ITPR1: variants seen among roughly 807,000 people sequenced by gnomAD.
The protein encoded by ITPR1 is inositol 1,4,5-trisphosphate receptor type 1.
A neutral mutation model predicts 318.4 loss-of-function variants in ITPR1; 96 were observed. That is an observed-to-expected ratio of 0.30 (90% CI 0.26 to 0.36). The LOEUF (loss-of-function observed/expected upper bound fraction) is 0.36. Among genes scored for constraint, ITPR1 ranks in the 10% least tolerant of loss-of-function variants. ITPR1 has a pLI of 1.00. For synonymous variants in ITPR1, 1,312 were observed against 1,289.9 expected (o/e 1.02, Z -0.37); for missense variants, 2,440 against 3,460.2 (o/e 0.71, Z 7.40).
intron 4 of ITPR1, among the ~76,000 whole-genome samples, chr3:4,533,085 G>A (rs1018469138): frequency 1.1e-4 from 16 of 152,120 alleles, no homozygotes; most frequent in Non-Finnish European, 1.8e-4. Flanking sequence ...GGTTGGGAGC[G>A]TTGGGTCAAT....
At position 4,521,007 on chromosome 3, in the gene ITPR1, A is replaced by T. The variant is rs745316392; in HGVS notation, c.93-17A>T. On this transcript the variant is annotated splice_polypyrimidine_tract_variant and intron_variant, in intron 3 of 61. Transcript: ENST00000649015. Reference sequence around the variant, plus strand: ...TTTTCATACACTTGACAGAGCATTTATCTGTCTTCTTTACAGCCTGGTTGA... The same window carrying T: ...TTTTCATACACTTGACAGAGCATTTTTCTGTCTTCTTTACAGCCTGGTTGA... The T allele has an allele frequency of 2.1e-5, 33 of 1,593,370 alleles. No homozygotes were observed. Among genetic ancestry groups the T allele is most frequent in the Middle Eastern group, 3.3e-4 (2 of 6,040 alleles).
chr3:4,739,573 G>T (rs2043547612), intron 44 of ITPR1, among the ~76,000 whole-genome samples: 1 of 152,166 alleles, frequency 6.6e-6, no homozygotes, highest in South Asian at 2.1e-4. Context: ...GAAACTCAAG[G>T]AGGTTATGAC....
intron 2 of ITPR1, among the ~76,000 whole-genome samples, 169 bp from the exon 3 acceptor site, chr3:4,516,307 A>G (rs2082166619): frequency 6.6e-6 from 1 of 152,190 alleles, no homozygotes; most frequent in Non-Finnish European, 1.5e-5. Flanking sequence ...GTGTTGTTGC[A>G]TATGTCCTTA....
intron 19 of ITPR1, 22 bp downstream of exon 19, chr3:4,669,795 A>G: frequency 6.3e-7 from 1 of 1,595,446 alleles, no homozygotes; most frequent in South Asian, 1.1e-5. Flanking sequence ...GCCAGGGTTT[A>G]GATGGAAAAC....
chr3:4,635,180 A>AG (rs1376751972), intron 5 of ITPR1, among the ~76,000 whole-genome samples: 1 of 152,196 alleles, frequency 6.6e-6, no homozygotes, highest in Non-Finnish European at 1.5e-5. Context: ...TTCTGAAAAA[A>AG]GTTGTATGGC....
chr3:4,781,322 G>A (rs897696468), intron 49 of ITPR1, among the ~76,000 whole-genome samples: 1 of 152,204 alleles, frequency 6.6e-6, no homozygotes, highest in African/African-American at 2.4e-5. Flanking sequence ...ACAAATTAGA[G>A]GTTGAAGGTA....
chr3:4,708,919 C>G (rs1170637238), intron 37 of ITPR1, among the ~76,000 whole-genome samples: 4 of 152,236 alleles, frequency 2.6e-5, no homozygotes, highest in Non-Finnish European at 5.9e-5. Flanking sequence ...GCTTTGCCAT[C>G]TTTGTTGATG....
At chr3:4,598,612 A>G (rs908617777) in intron 4 of ITPR1, among the ~76,000 whole-genome samples, 34 of 152,040 alleles carry the variant, frequency 2.2e-4, no homozygotes, top group Admixed American at 2.0e-3. Context: ...ATGGAGCTAG[A>G]CCCTGTCTTA....
intron 6 of ITPR1, among the ~76,000 whole-genome samples, chr3:4,639,831 T>C (rs565512657): frequency 8.5e-5 from 13 of 152,310 alleles, no homozygotes; most frequent in African/African-American, 3.1e-4. Flanking sequence ...ATAACTTTTA[T>C]CTACTGGCCT....
intron 4 of ITPR1, among the ~76,000 whole-genome samples, chr3:4,564,462 T>C (rs147568102): frequency 8.5e-4 from 129 of 152,354 alleles, no homozygotes; most frequent in Non-Finnish European, 1.5e-3. Context: ...CAGTATGGCC[T>C]CATCTTAACT....
At chr3:4,561,291 G>A (rs918444670) in intron 4 of ITPR1, among the ~76,000 whole-genome samples, 1 of 152,160 alleles carries the variant, frequency 6.6e-6, no homozygotes, top group Non-Finnish European at 1.5e-5. Context: ...GGAGAAGGAC[G>A]ACGTGGAATT....
rs764569482 is a variant in ITPR1 at position 4,795,098 on chromosome 3, T to A, written c.6842T>A (p.Met2281Lys). 12 of 1,613,748 alleles carry A rather than the reference T, an allele frequency of 7.4e-6. No individual in the cohort carries two copies. Among genetic ancestry groups the A allele is most frequent in the Non-Finnish European group, 9.3e-6 (11 of 1,179,804 alleles). ...QPVLYWCARN[M>K]SFWSSISFNL... ...GTGTTGTACTGGTGTGCCCGCAACA[T>A]GTCTTTCTGGAGCAGCATTTCGTTT... The change falls in exon 53 of 62, where the codon ATG becomes AAG. Residue 2281 changes from methionine (M) to lysine (K), a missense_variant. Coordinates refer to ENST00000649015, the MANE Select transcript of ITPR1 (RefSeq NM_001378452.1).
At chr3:4,705,824 CCT>C (rs914132004) in intron 36 of ITPR1, among the ~76,000 whole-genome samples, 11 of 152,138 alleles carry the variant, frequency 7.2e-5, no homozygotes, top group African/African-American at 2.7e-4. Context: ...AAACGAGTTC[CCT>C]GTCTTGATTA....
intron 44 of ITPR1, among the ~76,000 whole-genome samples, chr3:4,736,369 C>G (rs1341083594): frequency 1.3e-5 from 2 of 152,252 alleles, no homozygotes; most frequent in Admixed American, 6.5e-5. Flanking sequence ...TCCTGTGAGT[C>G]AGTGTGCCCC....
At chr3:4,827,322 G>A (rs2050146059) in intron 60 of ITPR1, among the ~76,000 whole-genome samples, 1 of 152,168 alleles carries the variant, frequency 6.6e-6, no homozygotes, top group African/African-American at 2.4e-5. Context: ...GTCTGGTAGA[G>A]CTGGACTATA....
rs2042935801 is a variant in ITPR1 at position 4,731,681 on chromosome 3, A to G, written c.5221-1407A>G. 2.6e-5 allele frequency among the ~76,000 whole-genome samples: 4 copies of G among 152,074 alleles called. No individual in the cohort carries two copies. The South Asian group carries it at 8.3e-4, about 32-fold the overall frequency. Reference sequence around the variant, plus strand: ...AGATAAACCCTTTCTGGGACTTTCCATGGTTTTGATGATTGACAGGAGCCA... The same window carrying G: ...AGATAAACCCTTTCTGGGACTTTCCGTGGTTTTGATGATTGACAGGAGCCA... On this transcript the variant is annotated intron_variant, in intron 42 of 61. Coordinates refer to ENST00000649015, the MANE Select transcript of ITPR1 (RefSeq NM_001378452.1).
At chr3:4,738,914 G>A (rs370665930) in intron 44 of ITPR1, among the ~76,000 whole-genome samples, 13 of 152,124 alleles carry the variant, frequency 8.5e-5, no homozygotes, top group African/African-American at 2.2e-4. Flanking sequence ...GGGTGTGGCC[G>A]CACGCACATG....
intron 4 of ITPR1, among the ~76,000 whole-genome samples, chr3:4,560,390 A>G (rs1056070600): frequency 2.7e-4 from 41 of 152,344 alleles, no homozygotes; most frequent in African/African-American, 8.7e-4. Flanking sequence ...GATGGTATAC[A>G]CATACATTAG....
intron 38 of ITPR1, chr3:4,711,497 T>G (rs1472011153): frequency 1.1e-5 from 4 of 371,824 alleles, no homozygotes; most frequent in Non-Finnish European, 9.8e-6. Context: ...GGTTCTCCTC[T>G]CCATATAATC....
Sources: allele counts gnomAD v4.1 joint callset (sites outside exome capture counted in the v4.1 genomes callset), GRCh38; gene constraint gnomAD v4.1.1; transcripts MANE v1.5; gene names NCBI Gene and HGNC (gene_info 2026-07-23, HGNC 2026-07-21).